The following CTNNA3 variants were observed in gnomAD, a reference collection of about 807,000 sequenced individuals.
CTNNA3 encodes catenin alpha-3.
In CTNNA3, 76 loss-of-function variants were observed where a neutral mutation model predicts 95.7. The ratio of observed to expected loss-of-function variants is 0.79; its 90% CI spans 0.66 to 0.96. The LOEUF (loss-of-function observed/expected upper bound fraction) is 0.96. Among genes scored for constraint, CTNNA3 ranks in the 40% least tolerant of loss-of-function variants. The pLI is 0.00. For synonymous variants in CTNNA3, 431 were observed against 374.4 expected (o/e 1.15, Z -1.74); for missense variants, 1,191 against 1,089.8 (o/e 1.09, Z -1.31).
At chr10:66,997,378 T>C (rs1256076269) in intron 7 of CTNNA3, among the ~76,000 whole-genome samples, 1 of 152,220 alleles carries the variant, frequency 6.6e-6, no homozygotes, top group Non-Finnish European at 1.5e-5. Flanking sequence ...TTAATTTACC[T>C]GTGTTAAATT....
intron 12 of CTNNA3, among the ~76,000 whole-genome samples, chr10:66,287,380 C>T (rs1383878570): frequency 6.6e-6 from 1 of 152,090 alleles, no homozygotes; most frequent in African/African-American, 2.4e-5. Context: ...AAAATCCTGA[C>T]AGAAAGCTCT....
chr10:67,685,689 A>T (rs1488234687), intron 1 of CTNNA3, among the ~76,000 whole-genome samples: 1 of 152,220 alleles, frequency 6.6e-6, no homozygotes, highest in Non-Finnish European at 1.5e-5. Context: ...TCAATTATCA[A>T]TTATAGGTTT....
intron 10 of CTNNA3, among the ~76,000 whole-genome samples, chr10:66,557,848 C>T (rs1038342692): frequency 6.6e-6 from 1 of 152,072 alleles, no homozygotes; most frequent in African/African-American, 2.4e-5. Flanking sequence ...ATATTTTTTA[C>T]ATCACTTTTT....
intron 7 of CTNNA3, among the ~76,000 whole-genome samples, chr10:66,800,559 T>G (rs1450965372): frequency 1.3e-5 from 2 of 151,070 alleles, no homozygotes; most frequent in Non-Finnish European, 3.0e-5. Flanking sequence ...CAAAAGAAAC[T>G]GATGAGATAA....
intron 3 of CTNNA3, among the ~76,000 whole-genome samples, chr10:67,592,791 A>C (rs748362568): frequency 1.3e-5 from 2 of 152,192 alleles, no homozygotes; most frequent in Non-Finnish European, 2.9e-5. Flanking sequence ...CAAAATATAT[A>C]AACCAACTAC....
chr10:67,422,241 T>C (rs1267292163), intron 5 of CTNNA3, among the ~76,000 whole-genome samples: 2 of 152,136 alleles, frequency 1.3e-5, no homozygotes, highest in African/African-American at 4.8e-5. Context: ...AATGTTAAAT[T>C]TCCTGATTTT....
intron 13 of CTNNA3, among the ~76,000 whole-genome samples, chr10:66,122,414 A>C (rs1306259944): frequency 7.9e-5 from 12 of 152,248 alleles, no homozygotes. Context: ...AAAATGAAGC[A>C]AAAGAAACAT....
At chr10:66,809,965 C>T (rs554202091) in intron 7 of CTNNA3, among the ~76,000 whole-genome samples, 14 of 152,124 alleles carry the variant, frequency 9.2e-5, no homozygotes, top group Admixed American at 4.6e-4. Flanking sequence ...CTACCATGCC[C>T]GGCTAATTTT....
At chr10:67,211,945 A>T (rs16924235) in intron 6 of CTNNA3, among the ~76,000 whole-genome samples, 6,568 of 152,218 alleles carry the variant, frequency 0.043, 179 homozygotes, top group South Asian at 0.087. Context: ...TAAAATGTGC[A>T]GATAAACACC....
intron 7 of CTNNA3, among the ~76,000 whole-genome samples, chr10:67,004,090 TAA>T (rs533856596): frequency 1.4e-5 from 2 of 145,390 alleles, no homozygotes; most frequent in Non-Finnish European, 3.0e-5. Flanking sequence ...ATTTTGATGT[TAA>T]AAAAAAAAAG....
intron 7 of CTNNA3, among the ~76,000 whole-genome samples, chr10:67,005,485 G>GT (rs1350451274): frequency 2.0e-5 from 3 of 151,822 alleles, no homozygotes; most frequent in African/African-American, 7.3e-5. Flanking sequence ...TAGGCCATAG[G>GT]TTTTATATGG....
At chr10:66,918,803 T>C (rs1402006402) in intron 7 of CTNNA3, among the ~76,000 whole-genome samples, 1 of 152,100 alleles carries the variant, frequency 6.6e-6, no homozygotes, top group Non-Finnish European at 1.5e-5. Flanking sequence ...AATGTGCATG[T>C]GTGTAGATAG....
chr10:65,957,939 A>G (rs2077766448), intron 17 of CTNNA3, among the ~76,000 whole-genome samples: 2 of 152,096 alleles, frequency 1.3e-5, no homozygotes, highest in African/African-American at 4.8e-5. Flanking sequence ...CTGCCTTGCT[A>G]GGTTGGGGAA....
At chr10:67,447,346 T>C (rs1467539576) in intron 5 of CTNNA3, among the ~76,000 whole-genome samples, 1 of 152,236 alleles carries the variant, frequency 6.6e-6, no homozygotes, top group African/African-American at 2.4e-5. Context: ...AATCTTTCAG[T>C]AGATTGCCTA....
At chr10:66,150,944 G>C (rs1031902062) in intron 13 of CTNNA3, among the ~76,000 whole-genome samples, 1 of 151,964 alleles carries the variant, frequency 6.6e-6, no homozygotes, top group Non-Finnish European at 1.5e-5. Context: ...TTCTTGAGTT[G>C]TTTCCCTTCA....
Position 66,802,124 on chromosome 10 carries a change from G to A in CTNNA3, c.1048-26600C>T, listed in dbSNP as rs562240325. ...CTGTCCATAACTGTAACACCTAGGA[G>A]CAAAGAGCTTCTTGAAGAAAACATA... On this transcript the variant is annotated intron_variant, in intron 7 of 17. Transcript: ENST00000433211. Among the ~76,000 whole-genome samples the A allele has an allele frequency of 4.0e-5, 6 of 151,790 alleles. No homozygotes were observed. In the South Asian group the frequency reaches 1.2e-3, roughly 31 times the overall value.
chr10:66,474,500 G>A (rs1839252517), intron 11 of CTNNA3, among the ~76,000 whole-genome samples: 1 of 152,066 alleles, frequency 6.6e-6, no homozygotes, highest in Non-Finnish European at 1.5e-5. Flanking sequence ...GAATGGTGTT[G>A]CAATAAACAT....
chr10:67,134,765 C>G (rs1860212070), intron 7 of CTNNA3, among the ~76,000 whole-genome samples: 1 of 152,084 alleles, frequency 6.6e-6, no homozygotes, highest in Non-Finnish European at 1.5e-5. Context: ...AGTCATCATC[C>G]TACAGTCTTC....
intron 12 of CTNNA3, among the ~76,000 whole-genome samples, chr10:66,285,659 TTTTA>T (rs1371835575): frequency 6.6e-6 from 1 of 151,750 alleles, no homozygotes; most frequent in Non-Finnish European, 1.5e-5. Flanking sequence ...ACTTTATAAA[TTTTA>T]TTTATTTTAA....
Sources: allele counts gnomAD v4.1 joint callset (sites outside exome capture counted in the v4.1 genomes callset), GRCh38; gene constraint gnomAD v4.1.1; transcripts MANE v1.5; gene names NCBI Gene and HGNC (gene_info 2026-07-23, HGNC 2026-07-21).